Variants in FAT1 observed in about 807,000 individuals in gnomAD.
The protein encoded by FAT1 is protocadherin Fat 1.
A neutral mutation model predicts 329.8 loss-of-function variants in FAT1; 171 were observed. The observed-to-expected ratio is 0.52, with a 90% CI of 0.46 to 0.59. FAT1 has a LOEUF of 0.59. Among genes scored for constraint, FAT1 ranks in the 20% least tolerant of loss-of-function variants. The pLI is 0.00. For synonymous variants in FAT1, 2,233 were observed against 2,228.6 expected, an observed-to-expected ratio of 1.00 and a Z score of -0.06; for missense variants, 5,672 against 5,774.4, an observed-to-expected ratio of 0.98 and a Z score of 0.57.
chr4:186,635,887 T>C (rs1472152073), intron 6 of FAT1, 138 bp downstream of exon 6: 4 of 712,042 alleles, frequency 5.6e-6, no homozygotes, highest in East Asian at 2.7e-5. Flanking sequence ...CAAAATATTA[T>C]AGTTGAAAGC....
intron 26 of FAT1, among the ~76,000 whole-genome samples, chr4:186,593,421 C>G (rs1294165533): frequency 6.6e-6 from 1 of 152,174 alleles, no homozygotes; most frequent in African/African-American, 2.4e-5. Context: ...AGAAGGCTGG[C>G]CCTCAAATAG....
chr4:186,650,962 G>C (rs1205422979), intron 3 of FAT1, among the ~76,000 whole-genome samples: 1 of 151,522 alleles, frequency 6.6e-6, no homozygotes, highest in Non-Finnish European at 1.5e-5. Context: ...TCAACCAACT[G>C]CACGGAAAAG....
Position 186,598,064 on chromosome 4 carries a change from C to T in FAT1, c.12165G>A (p.Pro4055=), listed in dbSNP as rs150584542. 9.3e-6 allele frequency: 15 copies of T among 1,613,864 alleles called. No homozygotes were observed. In the African/African-American group the frequency reaches 1.2e-4, roughly 13 times the overall value. ...CATAGAGGCATGGCTTGGAGGAACA[C>T]GGATTGACGCTTATCTCACAGTGGG... ...IGTHCEISVN[P]CSSKPCLYGG... The change falls in exon 23 of 27, where the codon CCG becomes CCA. Residue 4055 remains proline, a synonymous_variant. Coordinates refer to ENST00000441802, the MANE Select transcript of FAT1 (RefSeq NM_005245.4).
rs777441575 is a variant in FAT1 at position 186,709,375 on chromosome 4, G to A, written c.453C>T (p.Pro151=). The change falls in exon 2 of 27, where the codon CCC becomes CCT. Residue 151 remains proline (P), a synonymous_variant. Transcript: ENST00000441802. ...CAGGTAAAGAAACGCTGTATGAGGT[G>A]GGTGAGAATAACGGTCTCAAGTCAT... ...DTNDLRPLFS[P]TSYSVSLPEN... 1.2e-6 allele frequency: 2 copies of A among 1,613,824 alleles called. No individual in the cohort carries two copies. The highest frequency in any genetic ancestry group is 2.7e-5 in the African/African-American group (2 of 74,888).
At chr4:186,724,111 A>G (rs1416157842), upstream of FAT1, among the ~76,000 whole-genome samples, 1 of 142,626 alleles carries the variant, frequency 7.0e-6, no homozygotes, top group Non-Finnish European at 1.5e-5. This position sits in a 1 kb window ranked among gnomAD's most constrained non-coding sequence, Gnocchi z 5.3. Flanking sequence ...GAGGTTAGTT[A>G]CGGCCAGCCA....
intron 2 of FAT1, among the ~76,000 whole-genome samples, chr4:186,675,773 CCTGT>C (rs1742923202): frequency 1.5e-5 from 2 of 135,034 alleles, no homozygotes; most frequent in Non-Finnish European, 1.5e-5. Flanking sequence ...TACACACGAC[CCTGT>C]CTAAAACACA....
chr4:186,701,113 G>T (rs1163776008), intron 2 of FAT1, among the ~76,000 whole-genome samples: 1 of 152,166 alleles, frequency 6.6e-6, no homozygotes, highest in Non-Finnish European at 1.5e-5. Context: ...CATCAACGTG[G>T]TAAACATCAT....
Position 186,654,104 on chromosome 4 carries a change from G to A in FAT1, c.3580+9195C>T, listed in dbSNP as rs375110147. 3.3e-5 allele frequency among the ~76,000 whole-genome samples: 5 copies of A among 152,284 alleles called. No individual in the cohort carries two copies. The East Asian group carries it at 9.7e-4, about 29-fold the overall frequency. Reference sequence around the variant, plus strand: ...GCACAGGGACTGGGAGTGGCACCATGCACTGAGAAGCGGCAGCCAGGAAAT... The same window carrying A: ...GCACAGGGACTGGGAGTGGCACCATACACTGAGAAGCGGCAGCCAGGAAAT... On this transcript the variant is annotated intron_variant, in intron 3 of 26. Transcript: ENST00000441802.
At chr4:186,693,686 A>G (rs1053827020) in intron 2 of FAT1, among the ~76,000 whole-genome samples, 1 of 104,282 alleles carries the variant, frequency 9.6e-6, no homozygotes, top group African/African-American at 4.3e-5. Context: ...CGGTGACCCA[A>G]ATGAGTGGAG....
In FAT1 at chr4:186,588,704, C is replaced by T. The variant is rs778706452; in HGVS notation, c.13655G>A (p.Cys4552Tyr). The stretch of plus-strand genomic sequence containing the variant: ...CATGACCTCGGACTCCACTTCGCAG[C>T]AGGCTGACACGTCAGAGCAGGAGGC... ...STASCSDVSA[C>Y]CEVESEVMMS... The change falls in exon 27 of 27, where the codon TGC becomes TAC. Residue 4552 changes from cysteine (C) to tyrosine (Y), a missense_variant. Physicochemically the swap from Cys to Tyr is radical, Grantham distance 194. This residue lies in a region of FAT1 where 1,706 missense variants were observed against 1,859.1 expected (regional missense o/e 0.92). Coordinates refer to ENST00000441802, the MANE Select transcript of FAT1 (RefSeq NM_005245.4). 4.3e-6 allele frequency: 7 copies of T among 1,613,874 alleles called. No homozygotes were observed. Among genetic ancestry groups the T allele is most frequent in the Non-Finnish European group, 5.9e-6 (7 of 1,179,906 alleles).
In FAT1 at chr4:186,588,642, C is replaced by G. The variant is rs777463346; in HGVS notation, c.13717G>C (p.Glu4573Gln). The G allele has an allele frequency of 3.7e-6, 6 of 1,613,790 alleles. No homozygotes were observed. Among genetic ancestry groups the G allele is most frequent in the Non-Finnish European group, 5.1e-6 (6 of 1,179,816 alleles). Residue 4573 changes from glutamate to glutamine, a missense_variant, in exon 27 of 27, where the codon GAA (glutamate) becomes CAA (glutamine). Coordinates refer to ENST00000441802, the MANE Select transcript of FAT1 (RefSeq NM_005245.4). ...TCCAGGGGCGGGATCGTCACCTCTT[C>G]GAAGTGGCCGTCGTCCCCGCTCTCA... The part of the protein sequence containing the change: ...DYESGDDGHF[E>Q]EVTIPPLDSQ...
intron 11 of FAT1, among the ~76,000 whole-genome samples, chr4:186,615,922 T>C (rs1739688182): frequency 6.6e-6 from 1 of 152,192 alleles, no homozygotes; most frequent in African/African-American, 2.4e-5. Flanking sequence ...CTCATTACTT[T>C]AGCAAACTGG....
upstream of FAT1, among the ~76,000 whole-genome samples, chr4:186,724,969 T>A (rs1745669283): frequency 6.6e-6 from 1 of 151,966 alleles, no homozygotes; most frequent in Non-Finnish European, 1.5e-5. This position sits in a 1 kb window ranked among gnomAD's most constrained non-coding sequence, Gnocchi z 5.3. Context: ...TTATAAGCCA[T>A]CTTAGAGGTG....
At chr4:186,632,064 T>C (rs1283507130) in intron 7 of FAT1, among the ~76,000 whole-genome samples, 1 of 152,202 alleles carries the variant, frequency 6.6e-6, no homozygotes, top group South Asian at 2.1e-4. Context: ...CCTATGACAA[T>C]GGCCCAAAAA....
At chr4:186,666,060 T>G (rs1309779268) in intron 2 of FAT1, among the ~76,000 whole-genome samples, 1 of 136,004 alleles carries the variant, frequency 7.4e-6, no homozygotes, top group Non-Finnish European at 1.6e-5. Context: ...GGGGGAGGGA[T>G]AGCATTAGGA....
chr4:186,642,665 G>A (rs954960745), intron 3 of FAT1, among the ~76,000 whole-genome samples: 1 of 152,180 alleles, frequency 6.6e-6, no homozygotes, highest in African/African-American at 2.4e-5. Flanking sequence ...TACGTGCTGC[G>A]ATGGGTGGCT....
upstream of FAT1, among the ~76,000 whole-genome samples, chr4:186,724,758 G>A (rs1462695375): frequency 6.6e-6 from 1 of 152,226 alleles, no homozygotes; most frequent in African/African-American, 2.4e-5. The surrounding 1 kb of genome is among the most constrained non-coding windows in gnomAD (Gnocchi z 5.3). Flanking sequence ...AAGCCCGGAG[G>A]GCCGGAGGCG....
intron 2 of FAT1, among the ~76,000 whole-genome samples, chr4:186,692,444 C>T (rs563731058): frequency 6.6e-6 from 1 of 152,148 alleles, no homozygotes; most frequent in Non-Finnish European, 1.5e-5. Flanking sequence ...TCCCGAGTAG[C>T]TGGGACTACA....
rs10561120 is a variant in FAT1, at chr4:186,682,526, C to CAAAAAAAAAA, written c.3266-18923_3266-18914dup. 6.3e-3 allele frequency among the ~76,000 whole-genome samples: 747 copies of CAAAAAAAAAA among 119,022 alleles called. 18 individuals are homozygous for CAAAAAAAAAA. Among genetic ancestry groups the CAAAAAAAAAA allele is most frequent in the African/African-American group, 0.014 (360 of 25,194 alleles). The allele number at this position is 119,022 out of a possible 152,430, so 78.1% of individuals were successfully genotyped here. ...TGAGTGAAAGAGCGAGACTCTGTCT[C>CAAAAAAAAAA]AAAAAAAAAAAAAAAAAAGAAAGTT... On this transcript the variant is annotated intron_variant, in intron 2 of 26. Transcript: ENST00000441802.
Sources: allele counts gnomAD v4.1 joint callset (sites outside exome capture counted in the v4.1 genomes callset), GRCh38; gene constraint gnomAD v4.1.1; regional missense constraint gnomAD v4.1.1; non-coding constraint Gnocchi (gnomAD v3.1); transcripts MANE v1.5; gene names NCBI Gene and HGNC (gene_info 2026-07-23, HGNC 2026-07-21).